Variants in CHRM3 observed in about 807,000 individuals in gnomAD.
CHRM3 encodes muscarinic acetylcholine receptor M3.
In CHRM3, 11 loss-of-function variants were observed where a neutral mutation model predicts 41.8. The ratio of observed to expected loss-of-function variants is 0.26; its 90% CI spans 0.17 to 0.44. CHRM3 has a LOEUF of 0.44. Ranked by LOEUF, CHRM3 falls within the 20% of genes least tolerant of loss-of-function variation. CHRM3 has a pLI of 1.00. For synonymous variants in CHRM3, 297 were observed against 301.4 expected, an observed-to-expected ratio of 0.99 and a Z score of 0.15; for missense variants, 571 against 745.4, an observed-to-expected ratio of 0.77 and a Z score of 2.72.
chr1:239,398,802 A>G (rs1056878478), intron 1 of CHRM3, among the ~76,000 whole-genome samples: 2 of 152,282 alleles, frequency 1.3e-5, no homozygotes, highest in Non-Finnish European at 2.9e-5. Context: ...GTTTTTCTGT[A>G]TATTACTTCC....
rs1558254333 is a variant in CHRM3 at position 239,480,543 on chromosome 1, A to ATTTTGTTTTTTTTTTTTT, written c.-520-12162_-520-12161insGTTTTTTTTTTTTTTTTT. Reference sequence around the variant, plus strand: ...ACTCAGGTAATCCTACGATAGCCCAATTTTTTTTTTTTTTTTTTTTTTTTT... The same window carrying ATTTTGTTTTTTTTTTTTT: ...ACTCAGGTAATCCTACGATAGCCCAATTTTGTTTTTTTTTTTTTTTTTTTTTTTTTTTTTTTTTTTTTT... On this transcript the variant is annotated intron_variant, in intron 1 of 6. Coordinates refer to ENST00000676153, the MANE Select transcript of CHRM3 (RefSeq NM_001375978.1). 5.4e-5 allele frequency among the ~76,000 whole-genome samples: 6 copies of ATTTTGTTTTTTTTTTTTT among 110,720 alleles called. 1 individual carries two copies. Among genetic ancestry groups the ATTTTGTTTTTTTTTTTTT allele is most frequent in the Non-Finnish European group, 1.7e-5 (1 of 57,528 alleles). The allele number at this position is 110,720 out of a possible 152,430, so 72.6% of individuals were successfully genotyped here.
At chr1:239,790,816 T>C (rs1669284232) in intron 5 of CHRM3, among the ~76,000 whole-genome samples, 1 of 152,188 alleles carries the variant, frequency 6.6e-6, no homozygotes, top group African/African-American at 2.4e-5. Context: ...GAGCAAGGAC[T>C]GTGCTTGGGC....
At chr1:239,686,466 G>T (rs979244683) in intron 5 of CHRM3, among the ~76,000 whole-genome samples, 1 of 152,168 alleles carries the variant, frequency 6.6e-6, no homozygotes. Flanking sequence ...AGTGTCACCT[G>T]TTCAGTGATG....
At chr1:239,433,335 A>G (rs1266949135) in intron 1 of CHRM3, among the ~76,000 whole-genome samples, 2 of 152,046 alleles carry the variant, frequency 1.3e-5, no homozygotes, top group East Asian at 1.9e-4. Flanking sequence ...AACTCCCCAT[A>G]TTTTGCTCTA....
At chr1:239,795,153 C>G (rs577041933) in intron 5 of CHRM3, among the ~76,000 whole-genome samples, 1 of 152,174 alleles carries the variant, frequency 6.6e-6, no homozygotes, top group Non-Finnish European at 1.5e-5. Flanking sequence ...AATAGCTTCT[C>G]TGGTGTTAAC....
intron 5 of CHRM3, among the ~76,000 whole-genome samples, chr1:239,742,313 T>C (rs1414119046): frequency 6.6e-6 from 1 of 152,162 alleles, no homozygotes; most frequent in Non-Finnish European, 1.5e-5. Context: ...CAGTTTGGGA[T>C]AGTCTCAGCT....
intron 3 of CHRM3, among the ~76,000 whole-genome samples, chr1:239,615,615 G>A (rs1237738258): frequency 6.6e-6 from 1 of 152,134 alleles, no homozygotes; most frequent in Non-Finnish European, 1.5e-5. Context: ...CACAAATAGA[G>A]GGAAAATATC....
At chr1:239,617,267 G>C (rs897423744) in intron 3 of CHRM3, among the ~76,000 whole-genome samples, 1 of 152,072 alleles carries the variant, frequency 6.6e-6, no homozygotes, top group African/African-American at 2.4e-5. Flanking sequence ...TCTCTTTCTC[G>C]AATATTGTGG....
rs563366663 is a variant in CHRM3 at position 239,908,752 on chromosome 1, C to G, written c.1301C>G (p.Ala434Gly). 1.2e-5 allele frequency: 19 copies of G among 1,613,818 alleles called. 2 individuals carry two copies. The South Asian group carries it at 2.1e-4, about 18-fold the overall frequency. ...FSKLPIQLESAVDTAKTSDVN... is the reference protein window; with the variant it reads ...FSKLPIQLESGVDTAKTSDVN... ...AAGCTTCCCATCCAGCTAGAGTCAG[C>G]CGTGGACACAGCTAAGACTTCTGAC... The change falls in exon 7 of 7, where the codon GCC becomes GGC. Residue 434 changes from alanine (A) to glycine (G), a missense_variant. Around this residue, in one of 5 missense-constraint regions of CHRM3, gnomAD observed 239 missense variants for 239.6 expected, o/e 1.00. Transcript: ENST00000676153. The surrounding 1 kb of genome is among the most constrained non-coding windows in gnomAD (Gnocchi z 7.2).
In CHRM3 at chr1:239,386,962, C is replaced by T. The variant is rs1658559551; in HGVS notation, c.-786C>T. On this transcript the variant is annotated 5_prime_UTR_variant, in exon 1 of 7. Transcript: ENST00000676153. Reference sequence around the variant, plus strand: ...CAGCTGCCCGCGGGCGGAGCGCTCTCAGACCCCGGAGCGCACACCGCGGGG... The same window carrying T: ...CAGCTGCCCGCGGGCGGAGCGCTCTTAGACCCCGGAGCGCACACCGCGGGG... 1 of 152,054 alleles carries T rather than the reference C, an allele frequency of 6.6e-6. No homozygotes were observed. The highest frequency in any genetic ancestry group is 2.4e-5 in the African/African-American group (1 of 41,436). The allele number at this position is 152,054 out of a possible 1,614,324, so 9.4% of individuals were successfully genotyped here.
intron 5 of CHRM3, among the ~76,000 whole-genome samples, chr1:239,737,622 A>C (rs1664497707): frequency 6.6e-6 from 1 of 152,012 alleles, no homozygotes; most frequent in African/African-American, 2.4e-5. Context: ...CATTTGTATC[A>C]CTGGTTCTTG....
chr1:239,453,292 C>T (rs1572356235), intron 1 of CHRM3, among the ~76,000 whole-genome samples: 1 of 152,190 alleles, frequency 6.6e-6, no homozygotes, highest in Non-Finnish European at 1.5e-5. Context: ...TCTTTTATTC[C>T]TACCTTACAA....
At chr1:239,469,434 C>T (rs1042434831) in intron 1 of CHRM3, among the ~76,000 whole-genome samples, 3 of 152,202 alleles carry the variant, frequency 2.0e-5, no homozygotes, top group Non-Finnish European at 2.9e-5. Context: ...AACAAATGCA[C>T]GTTTGAGGAA....
At chr1:239,746,295 T>C (rs899653924) in intron 5 of CHRM3, among the ~76,000 whole-genome samples, 1 of 152,220 alleles carries the variant, frequency 6.6e-6, no homozygotes, top group Admixed American at 6.5e-5. Context: ...CCATATTTCT[T>C]GCGCATTTGT....
intron 3 of CHRM3, among the ~76,000 whole-genome samples, chr1:239,631,990 A>G (rs1042944245): frequency 2.0e-5 from 3 of 152,168 alleles, no homozygotes; most frequent in African/African-American, 4.8e-5. Flanking sequence ...GAGGAAGTCA[A>G]TAGATACATT....
chr1:239,455,463 A>G lies in CHRM3; in HGVS notation c.-520-37246A>G, dbSNP rs183072912. Reference sequence around the variant, plus strand: ...AGAGATGACAGTTCCATGCATGTTCACTGCCCCTGAAGGCCTTCCAGTGAA... The same window carrying G: ...AGAGATGACAGTTCCATGCATGTTCGCTGCCCCTGAAGGCCTTCCAGTGAA... On this transcript the variant is annotated intron_variant, in intron 1 of 6. Coordinates refer to ENST00000676153, the MANE Select transcript of CHRM3 (RefSeq NM_001375978.1). Among the ~76,000 whole-genome samples, 158 of 152,172 alleles carry G rather than the reference A, an allele frequency of 1.0e-3. 1 individual carries two copies. The highest frequency in any genetic ancestry group is 3.4e-3 in the Middle Eastern group (1 of 294).
At chr1:239,835,413 A>T (rs12036147) in intron 6 of CHRM3, among the ~76,000 whole-genome samples, 12,173 of 152,242 alleles carry the variant, frequency 0.08, 865 homozygotes, top group East Asian at 0.36. Context: ...CGTTCTCTGC[A>T]CAAGTGCAAC....
intron 1 of CHRM3, among the ~76,000 whole-genome samples, chr1:239,419,942 C>T (rs1239793330): frequency 6.6e-6 from 1 of 152,186 alleles, no homozygotes; most frequent in African/African-American, 2.4e-5. Context: ...CGTTTCCCTG[C>T]CCCTGTCTGA....
At chr1:239,760,265 C>G (rs1477227976) in intron 5 of CHRM3, among the ~76,000 whole-genome samples, 1 of 151,958 alleles carries the variant, frequency 6.6e-6, no homozygotes, top group Admixed American at 6.6e-5. Context: ...ATTTTTCTCT[C>G]GAGAATTTGT....
Sources: gnomAD v4.1 joint callset for allele counts (sites outside exome capture counted in the v4.1 genomes callset) on GRCh38, gnomAD v4.1.1 for gene constraint, gnomAD v4.1.1 regional missense constraint, Gnocchi (gnomAD v3.1) non-coding constraint, MANE v1.5 for transcripts, NCBI Gene and HGNC (gene_info 2026-07-23, HGNC 2026-07-21) for gene names.